The following SH2D1B variants were observed in gnomAD, a reference collection of about 807,000 sequenced individuals.
SH2D1B encodes SH2 domain containing 1B.
SH2D1B carries 11 observed loss-of-function variants against 16.3 expected under a neutral mutation model. That is an observed-to-expected ratio of 0.67 (90% CI 0.42 to 1.11). The LOEUF is 1.11. SH2D1B is among the 50% of genes most tolerant of loss of function. The pLI, the probability that SH2D1B is intolerant of heterozygous loss-of-function variation, is 0.00. For missense variants in SH2D1B, 123 were observed against 153.1 expected (o/e 0.80, Z 1.04); for synonymous variants, 55 against 56.1 (o/e 0.98, Z 0.09).
chr1:162,395,846 T>C lies in SH2D1B; in HGVS notation c.*1434A>G, dbSNP rs769541477. 2 of 152,218 alleles carry C rather than the reference T, an allele frequency of 1.3e-5. No individual in the cohort carries two copies. The highest frequency in any genetic ancestry group is 4.8e-5 in the African/African-American group (2 of 41,462). 9.4% of individuals were successfully genotyped at this position (152,218 alleles called of 1,614,324 possible). A position where few individuals can be genotyped will look rare whatever the true frequency, so the allele number is the denominator to read the frequency against. Reference sequence around the variant, plus strand: ...GGGCAAAAAAGATGACCCAAGAACATGGATGTGGCATGTTTATGCATGGGA... The same window carrying C: ...GGGCAAAAAAGATGACCCAAGAACACGGATGTGGCATGTTTATGCATGGGA... On this transcript the variant is annotated 3_prime_UTR_variant, in exon 4 of 4. Coordinates refer to ENST00000367929, the MANE Select transcript of SH2D1B (RefSeq NM_053282.5).
rs1216948541 is a variant in SH2D1B at position 162,398,975 on chromosome 1, G to C, written c.311C>G (p.Thr104Ser). The C allele has an allele frequency of 6.2e-7, 1 of 1,613,838 alleles. No homozygotes were observed. The highest frequency in any genetic ancestry group is 2.2e-5 in the East Asian group (1 of 44,890). The change falls in exon 3 of 4, where the codon ACC (threonine) becomes AGC (serine). Residue 104 changes from threonine (T) to serine (S), a missense_variant. Transcript: ENST00000367929. ...VVHLLKPIKRTSPSLRWRGLK... is the reference protein window; with the variant it reads ...VVHLLKPIKRSSPSLRWRGLK... ...TCCTCTCCATCTCAAGCTGGGGCTGGTTCTCTTTATTGGCTTTAAAAGGTG... is the reference window on the plus strand; with the variant it reads ...TCCTCTCCATCTCAAGCTGGGGCTGCTTCTCTTTATTGGCTTTAAAAGGTG...
chr1:162,407,904 A>C (rs1406268762), intron 1 of SH2D1B, among the ~76,000 whole-genome samples: 4 of 152,366 alleles, frequency 2.6e-5, no homozygotes, highest in Middle Eastern at 3.4e-3. Context: ...CATGGAACAT[A>C]ATAAGTGCTC....
chr1:162,398,844 C>G (rs920346454), intron 3 of SH2D1B, 79 bp downstream of exon 3: 37 of 1,441,774 alleles, frequency 2.6e-5, no homozygotes, highest in Non-Finnish European at 3.3e-5. Context: ...GAGCATTTGT[C>G]TGTATTGAGT....
chr1:162,406,281 A>G (rs1292532882), intron 1 of SH2D1B, among the ~76,000 whole-genome samples: 1 of 152,214 alleles, frequency 6.6e-6, no homozygotes, highest in East Asian at 1.9e-4. Context: ...TCCAAATTAC[A>G]CTGAGTCCAC....
intron 2 of SH2D1B, among the ~76,000 whole-genome samples, chr1:162,399,725 T>C (rs957037452): frequency 6.6e-6 from 1 of 152,220 alleles, no homozygotes; most frequent in Non-Finnish European, 1.5e-5. Context: ...GTTCTTATCA[T>C]TCAGCTCCCA....
chr1:162,403,454 A>C (rs1223170196), intron 1 of SH2D1B, among the ~76,000 whole-genome samples: 2 of 131,642 alleles, frequency 1.5e-5, no homozygotes, highest in Non-Finnish European at 3.1e-5. Flanking sequence ...ATGCCACTGC[A>C]CTCCAGCCTG....
intron 1 of SH2D1B, 126 bp from the exon 2 acceptor site, chr1:162,402,928 G>GTTA (rs1648557215): frequency 3.1e-6 from 2 of 652,376 alleles, no homozygotes; most frequent in African/African-American, 3.7e-5. Flanking sequence ...TTTTTTTCTG[G>GTTA]GACGGAATAT....
At chr1:162,403,996 CAA>C (rs1248794650) in intron 1 of SH2D1B, among the ~76,000 whole-genome samples, 2 of 152,084 alleles carry the variant, frequency 1.3e-5, no homozygotes, top group Non-Finnish European at 2.9e-5. Flanking sequence ...TTCAGTTAAA[CAA>C]GAGATCTATT....
chr1:162,402,951 CAGGCTGGAGTGCAGTGGTGCG>C (rs1648557720), intron 1 of SH2D1B, 149 bp from the exon 2 acceptor site: 9 of 611,548 alleles, frequency 1.5e-5, no homozygotes, highest in Non-Finnish European at 2.5e-5. Context: ...CTCTGTCGCC[CAGGCTGGAGTGCAGTGGTGCG>C]ATCTCAGCTC....
At chr1:162,402,589 C>T in intron 2 of SH2D1B, 150 bp downstream of exon 2, 1 of 607,272 alleles carries the variant, frequency 1.6e-6, no homozygotes, top group Non-Finnish European at 2.9e-6. Context: ...CAGGGAAAAA[C>T]CAGGTTAACT....
chr1:162,402,242 G>A lies in SH2D1B; in HGVS notation c.198+497C>T, dbSNP rs199580301. Among the ~76,000 whole-genome samples, 58 of 140,296 alleles carry A rather than the reference G, an allele frequency of 4.1e-4. No individual in the cohort carries two copies. In the East Asian group the frequency reaches 0.012, roughly 28 times the overall value. 92.0% of individuals were successfully genotyped at this position (140,296 alleles called of 152,430 possible). A position where few individuals can be genotyped will look rare whatever the true frequency, so the allele number is the denominator to read the frequency against. ...CAAAAGTAGAACCCAGCTGGGTGCG[G>A]TGGCTCACGCCTGTAATCCCAGCAG... On this transcript the variant is annotated intron_variant, in intron 2 of 3. Coordinates refer to ENST00000367929, the MANE Select transcript of SH2D1B (RefSeq NM_053282.5).
rs1419012583 is a variant in SH2D1B at position 162,411,879 on chromosome 1, T to C, written c.134+4A>G. 1 of 1,614,062 alleles carries C rather than the reference T, an allele frequency of 6.2e-7. No individual in the cohort carries two copies. On this transcript the variant is annotated splice_donor_region_variant and intron_variant, in intron 1 of 3. Transcript: ENST00000367929. Reference sequence around the variant, plus strand: ...TCAGATGTGTGCAAGATGAGGCTACTCACGAGACACAGAGGCACAGGACTC... The same window carrying C: ...TCAGATGTGTGCAAGATGAGGCTACCCACGAGACACAGAGGCACAGGACTC...
chr1:162,402,471 TCG>T (rs2101859711), intron 2 of SH2D1B: 1 of 246,846 alleles, frequency 4.1e-6, no homozygotes, highest in Admixed American at 5.3e-5. Flanking sequence ...TGAGCCGAGA[TCG>T]CACCACTGCA....
chr1:162,406,486 G>A (rs890976768), intron 1 of SH2D1B, among the ~76,000 whole-genome samples: 2 of 152,108 alleles, frequency 1.3e-5, no homozygotes, highest in Non-Finnish European at 2.9e-5. Context: ...TACATATATT[G>A]GTTTATAGAT....
At chr1:162,401,946 A>G (rs1342955300) in intron 2 of SH2D1B, among the ~76,000 whole-genome samples, 2 of 152,246 alleles carry the variant, frequency 1.3e-5, no homozygotes, top group Non-Finnish European at 2.9e-5. Context: ...AATTTAAAAG[A>G]AGCAAAATGT....
intron 1 of SH2D1B, among the ~76,000 whole-genome samples, chr1:162,405,312 G>C (rs981784959): frequency 5.9e-5 from 9 of 152,174 alleles, no homozygotes; most frequent in Admixed American, 1.3e-4. Flanking sequence ...GGGTGCAAGT[G>C]AAGTTTTGGA....
intron 2 of SH2D1B, among the ~76,000 whole-genome samples, chr1:162,400,905 G>A (rs755200275): frequency 5.9e-5 from 9 of 152,140 alleles, no homozygotes; most frequent in African/African-American, 9.6e-5. Context: ...CCGAGATCAC[G>A]CCACTGCACT....
At chr1:162,408,632 T>A in intron 1 of SH2D1B, among the ~76,000 whole-genome samples, 1 of 151,982 alleles carries the variant, frequency 6.6e-6, no homozygotes, top group Admixed American at 6.5e-5. Flanking sequence ...GCCAGGATGG[T>A]CTCAATCTCT....
chr1:162,407,687 G>T (rs1382867768), intron 1 of SH2D1B, among the ~76,000 whole-genome samples: 1 of 152,192 alleles, frequency 6.6e-6, no homozygotes, highest in African/African-American at 2.4e-5. Context: ...CTTGCAAAGG[G>T]TTGTATCTTG....
Sources: allele counts gnomAD v4.1 joint callset (sites outside exome capture counted in the v4.1 genomes callset), GRCh38; gene constraint gnomAD v4.1.1; transcripts MANE v1.5; gene names NCBI Gene and HGNC (gene_info 2026-07-23, HGNC 2026-07-21).